The following FHIT variants were observed in gnomAD, a reference collection of about 807,000 sequenced individuals.
FHIT encodes bis(5'-adenosyl)-triphosphatase.
In FHIT, 19 loss-of-function variants were observed where a neutral mutation model predicts 17.9. The observed-to-expected ratio is 1.06, with a 90% CI of 0.74 to 1.56. FHIT has a LOEUF of 1.56. Ranked by LOEUF, FHIT falls within the 40% of genes most tolerant of loss-of-function variation. The pLI is 0.00. For synonymous variants in FHIT, 81 were observed against 69.7 expected, an observed-to-expected ratio of 1.16 and a Z score of -0.81; for missense variants, 248 against 189.2, an observed-to-expected ratio of 1.31 and a Z score of -1.82.
rs150922642 is a variant in FHIT at position 61,187,043 on chromosome 3, T to C, written c.-164+13574A>G. 1.3e-3 allele frequency among the ~76,000 whole-genome samples: 200 copies of C among 152,308 alleles called. 4 individuals are homozygous for C. The East Asian group carries it at 0.026, about 20-fold the overall frequency. ...TCTCCTTCCCTAGGGCATAAAATAA[T>C]CTGCCCGACCCATGTTCCTTGTACC... On this transcript the variant is annotated intron_variant, in intron 2 of 9. Transcript: ENST00000492590.
intron 4 of FHIT, among the ~76,000 whole-genome samples, chr3:60,663,625 G>A (rs782815334): frequency 3.3e-5 from 5 of 151,822 alleles, no homozygotes; most frequent in Non-Finnish European, 7.4e-5. Flanking sequence ...TTACAAGAGA[G>A]GGGGTTTCAT....
intron 5 of FHIT, among the ~76,000 whole-genome samples, chr3:60,403,878 C>T (rs891347774): frequency 3.9e-5 from 6 of 152,148 alleles, no homozygotes; most frequent in Non-Finnish European, 7.3e-5. Flanking sequence ...ATTTGTATGC[C>T]TTTTCTTCTA....
chr3:61,234,808 C>A (rs971840642), intron 1 of FHIT, among the ~76,000 whole-genome samples: 15 of 152,116 alleles, frequency 9.9e-5, no homozygotes, highest in African/African-American at 3.6e-4. Context: ...CCTGCAGATC[C>A]AATGGAGTTA....
chr3:60,285,631 A>G (rs951852995), intron 5 of FHIT, among the ~76,000 whole-genome samples: 4 of 152,184 alleles, frequency 2.6e-5, no homozygotes, highest in African/African-American at 9.6e-5. Context: ...GTTTAATTTT[A>G]GGAAATCATC....
chr3:60,106,851 T>C (rs962292452), intron 5 of FHIT, among the ~76,000 whole-genome samples: 2 of 152,206 alleles, frequency 1.3e-5, no homozygotes, highest in African/African-American at 4.8e-5. Flanking sequence ...AGTTCCTCTG[T>C]ATGGATACCT....
chr3:60,702,120 T>C (rs1553702340), intron 4 of FHIT, among the ~76,000 whole-genome samples: 2 of 152,174 alleles, frequency 1.3e-5, no homozygotes, highest in Non-Finnish European at 2.9e-5. Context: ...CATCTTGGCC[T>C]CCCAAAATGC....
chr3:60,003,726 C>A (rs1699815765), intron 7 of FHIT, among the ~76,000 whole-genome samples: 1 of 151,964 alleles, frequency 6.6e-6, no homozygotes, highest in South Asian at 2.1e-4. Flanking sequence ...GCCTGGGCAA[C>A]AAAGCGAGAC....
intron 5 of FHIT, among the ~76,000 whole-genome samples, chr3:60,284,555 G>C (rs747679876): frequency 1.2e-4 from 19 of 152,040 alleles, no homozygotes; most frequent in Non-Finnish European, 2.4e-4. Context: ...ACATGGTACT[G>C]ATAAGATACT....
chr3:60,237,135 C>T (rs1430186683), intron 5 of FHIT, among the ~76,000 whole-genome samples: 2 of 152,048 alleles, frequency 1.3e-5, no homozygotes, highest in Non-Finnish European at 2.9e-5. Context: ...TATGAAAAAG[C>T]ACCAAGAGTT....
At chr3:60,570,591 G>A (rs969388043) in intron 4 of FHIT, among the ~76,000 whole-genome samples, 2 of 152,032 alleles carry the variant, frequency 1.3e-5, no homozygotes, top group Non-Finnish European at 2.9e-5. Context: ...TTTTCCCACT[G>A]AAGTCACAGT....
chr3:60,504,351 T>G (rs997774808), intron 5 of FHIT, among the ~76,000 whole-genome samples: 3 of 152,040 alleles, frequency 2.0e-5, no homozygotes, highest in African/African-American at 7.2e-5. Context: ...GGAGAATCAC[T>G]TGAACCTGGG....
At chr3:60,033,095 G>T (rs1241983092) in intron 5 of FHIT, among the ~76,000 whole-genome samples, 1 of 152,118 alleles carries the variant, frequency 6.6e-6, no homozygotes, top group Non-Finnish European at 1.5e-5. Flanking sequence ...CTAATATAAG[G>T]TGTGGATCTT....
At position 61,123,015 on chromosome 3, in the gene FHIT, A is replaced by T. The variant is rs1010062408; in HGVS notation, c.-164+77602T>A. Among the ~76,000 whole-genome samples, 4 of 152,232 alleles carry T rather than the reference A, an allele frequency of 2.6e-5. No homozygotes were observed. The East Asian group carries it at 7.7e-4, about 29-fold the overall frequency. On this transcript the variant is annotated intron_variant, in intron 2 of 9. Coordinates refer to ENST00000492590, the MANE Select transcript of FHIT (RefSeq NM_002012.4). ...ATCCCATTACTGGGTATATACCCAAAGGATTATAAATCATTCTACTATAAA... is the reference window on the plus strand; with the variant it reads ...ATCCCATTACTGGGTATATACCCAATGGATTATAAATCATTCTACTATAAA...
At chr3:60,534,461 A>AAAAAAAAAAAAAAAAG (rs1559519903) in intron 5 of FHIT, among the ~76,000 whole-genome samples, 1 of 77,356 alleles carries the variant, frequency 1.3e-5, no homozygotes, top group Admixed American at 1.6e-4. Context: ...AAAAAAAAAA[A>AAAAAAAAAAAAAAAAG]AAGATGCGTC....
chr3:60,050,203 A>C (rs1701815407), intron 5 of FHIT, among the ~76,000 whole-genome samples: 1 of 152,314 alleles, frequency 6.6e-6, no homozygotes, highest in Non-Finnish European at 1.5e-5. Flanking sequence ...GTAATTTTTC[A>C]GCTATTATAC....
At chr3:59,858,633 C>G (rs570423697) in intron 8 of FHIT, among the ~76,000 whole-genome samples, 1 of 152,022 alleles carries the variant, frequency 6.6e-6, no homozygotes, top group East Asian at 1.9e-4. Flanking sequence ...ACTGAACATG[C>G]AGGGCAACGT....
intron 3 of FHIT, among the ~76,000 whole-genome samples, chr3:60,875,102 T>C (rs1185253702): frequency 1.3e-5 from 2 of 152,158 alleles, no homozygotes; most frequent in Non-Finnish European, 2.9e-5. Flanking sequence ...TTGGTCACCT[T>C]CCCAGGACCC....
chr3:60,311,716 T>C (rs1186990339), intron 5 of FHIT, among the ~76,000 whole-genome samples: 1 of 152,216 alleles, frequency 6.6e-6, no homozygotes, highest in African/African-American at 2.4e-5. Flanking sequence ...GCAAAGGCTG[T>C]GGTTTGTGAG....
At chr3:60,537,219 G>A (rs2036016305) in intron 4 of FHIT, among the ~76,000 whole-genome samples, 1 of 151,946 alleles carries the variant, frequency 6.6e-6, no homozygotes, top group South Asian at 2.1e-4. Flanking sequence ...AAGCTTCCAC[G>A]TGGACAATAA....
Sources: gnomAD v4.1 joint callset for allele counts (sites outside exome capture counted in the v4.1 genomes callset) on GRCh38, gnomAD v4.1.1 for gene constraint, MANE v1.5 for transcripts, NCBI Gene and HGNC (gene_info 2026-07-23, HGNC 2026-07-21) for gene names.